The following UBAP2 variants were observed in gnomAD, a reference collection of about 807,000 sequenced individuals.
The protein encoded by UBAP2 is ubiquitin associated protein 2.
Under a neutral mutation model 139.6 loss-of-function variants are expected in UBAP2, and 75 were observed. The observed-to-expected ratio is 0.54, with a 90% confidence interval of 0.45 to 0.65. UBAP2 has a LOEUF of 0.65. Among genes scored for constraint, UBAP2 ranks in the 30% least tolerant of loss-of-function variants. UBAP2 has a pLI of 0.00. For synonymous variants in UBAP2, 526 were observed against 526.2 expected (o/e 1.00, Z 0.01); for missense variants, 1,368 against 1,369.6 (o/e 1.00, Z 0.02).
intron 6 of UBAP2, among the ~76,000 whole-genome samples, chr9:33,981,282 G>A (rs1248120348): frequency 1.8e-4 from 13 of 73,442 alleles, no homozygotes; most frequent in South Asian, 5.8e-4. Flanking sequence ...TATATATTCT[G>A]GATATATATA....
In UBAP2 at chr9:33,986,811, A is replaced by C; in HGVS notation, c.469T>G (p.Cys157Gly). ...EFRGEENGID[C>G]NQVDKPSDRG... is the part of the protein sequence containing the mutation. ...TCTGAAGGTTTGTCCACTTGATTGC[A>C]ATCAATTCCATTTTCTTCACCTCTA... Residue 157 changes from cysteine to glycine, a missense_variant, in exon 6 of 29, where the codon TGC becomes GGC. By Grantham distance (159) the Cys-to-Gly change is radical. Transcript: ENST00000379238. 6.2e-7 allele frequency: 1 copy of C among 1,614,156 alleles called. No individual in the cohort carries two copies. The highest frequency in any genetic ancestry group is 8.5e-7 in the Non-Finnish European group (1 of 1,180,020).
chr9:33,990,621 GA>G (rs1821620352), intron 4 of UBAP2, among the ~76,000 whole-genome samples: 1 of 147,126 alleles, frequency 6.8e-6, no homozygotes, highest in African/African-American at 2.5e-5. Context: ...AGGTTACTTA[GA>G]AATAGTACCC....
intron 1 of UBAP2, among the ~76,000 whole-genome samples, chr9:34,018,976 G>A (rs986490788): frequency 6.6e-6 from 1 of 152,134 alleles, no homozygotes; most frequent in South Asian, 2.1e-4. Context: ...TAGATGAATG[G>A]ATAAGCAAAA....
intron 2 of UBAP2, 111 bp downstream of exon 2, chr9:34,016,939 T>C (rs1587666731): frequency 1.3e-6 from 1 of 751,838 alleles, no homozygotes; most frequent in African/African-American, 1.8e-5. Context: ...TCTCCCTTAA[T>C]TTCCTTAATT....
chr9:34,024,810 C>T (rs7859444), intron 1 of UBAP2, among the ~76,000 whole-genome samples: 5 of 151,956 alleles, frequency 3.3e-5, no homozygotes, highest in Admixed American at 6.6e-5. Flanking sequence ...ATGGCGAAAC[C>T]CTGTCTCTAC....
intron 10 of UBAP2, among the ~76,000 whole-genome samples, chr9:33,960,095 AATTTT>A (rs1236771108): frequency 1.3e-5 from 2 of 151,860 alleles, no homozygotes; most frequent in African/African-American, 4.8e-5. Flanking sequence ...ACACCCAGGT[AATTTT>A]TTTATTATTT....
chr9:33,938,996 C>A (rs1210044215), intron 16 of UBAP2: 3 of 408,498 alleles, frequency 7.3e-6, no homozygotes, highest in South Asian at 3.5e-5. Flanking sequence ...CCAAGACGGA[C>A]AAGGGACACA....
At chr9:33,992,226 T>C (rs1234373715) in intron 4 of UBAP2, among the ~76,000 whole-genome samples, 1 of 151,814 alleles carries the variant, frequency 6.6e-6, no homozygotes, top group East Asian at 1.9e-4. Context: ...CCATCTCTAC[T>C]AAAAATACAA....
At chr9:34,026,763 T>C (rs946667223) in intron 1 of UBAP2, among the ~76,000 whole-genome samples, 8 of 152,170 alleles carry the variant, frequency 5.3e-5, no homozygotes, top group Non-Finnish European at 1.2e-4. Context: ...GAAACTAAGA[T>C]ACACAGAGAA....
intron 19 of UBAP2, 133 bp downstream of exon 19, chr9:33,932,429 C>T: frequency 2.0e-6 from 2 of 1,001,606 alleles, no homozygotes; most frequent in East Asian, 2.6e-5. Context: ...CCAGATCATG[C>T]CATCAAGACA....
intron 10 of UBAP2, among the ~76,000 whole-genome samples, chr9:33,956,421 C>T (rs13290595): frequency 0.13 from 19,143 of 151,028 alleles, 1,539 homozygotes; most frequent in African/African-American, 0.22. Context: ...TGGGTTCAAG[C>T]GATCATCTCG....
chr9:34,012,957 C>T (rs1823892488), intron 2 of UBAP2, among the ~76,000 whole-genome samples: 1 of 151,384 alleles, frequency 6.6e-6, no homozygotes, highest in Non-Finnish European at 1.5e-5. Flanking sequence ...TCAAAACTGA[C>T]TAACCTGGCC....
chr9:33,987,961 T>G (rs987963686), intron 5 of UBAP2, among the ~76,000 whole-genome samples: 13 of 152,172 alleles, frequency 8.5e-5, no homozygotes, highest in African/African-American at 3.1e-4. Flanking sequence ...CATTAATAGC[T>G]CTACATAATA....
intron 12 of UBAP2, chr9:33,948,909 G>C (rs1406125129): frequency 4.3e-6 from 1 of 235,030 alleles, no homozygotes; most frequent in East Asian, 9.9e-5. Flanking sequence ...CAACACTTTG[G>C]GAGGCCAAGG....
At chr9:33,927,350 A>G (rs1823532887) in intron 20 of UBAP2, among the ~76,000 whole-genome samples, 1 of 152,154 alleles carries the variant, frequency 6.6e-6, no homozygotes, top group Non-Finnish European at 1.5e-5. Flanking sequence ...CACTGCACTG[A>G]GCAAAGAGAA....
At chr9:33,949,705 A>G (rs796677372) in intron 12 of UBAP2, among the ~76,000 whole-genome samples, 3 of 116,572 alleles carry the variant, frequency 2.6e-5, no homozygotes, top group East Asian at 3.9e-4. Context: ...CTCGTCTCTC[A>G]TGTGTGTGTG....
At chr9:33,935,948 C>T (rs1824474031) in intron 16 of UBAP2, 70 bp from the exon 17 acceptor site, 20 of 1,372,228 alleles carry the variant, frequency 1.5e-5, no homozygotes, top group Non-Finnish European at 1.9e-5. Context: ...GCTTTTTATA[C>T]TTTCTACAAC....
At position 33,956,595 on chromosome 9, in the gene UBAP2, T is replaced by C. The variant is rs924837388; in HGVS notation, c.799-449A>G. On this transcript the variant is annotated intron_variant, in intron 10 of 28. Transcript: ENST00000379238. ...GCACCCACCTTGACCTCCCAAAGTG[T>C]TGGGATTACAAGTATAAGCCATGGC... 7.2e-5 allele frequency among the ~76,000 whole-genome samples: 11 copies of C among 151,928 alleles called. No homozygotes were observed. In the South Asian group the frequency reaches 2.1e-3, roughly 29 times the overall value.
chr9:33,992,292 G>A (rs1277844725), intron 4 of UBAP2, among the ~76,000 whole-genome samples: 1 of 151,556 alleles, frequency 6.6e-6, no homozygotes, highest in Non-Finnish European at 1.5e-5. Flanking sequence ...GGAGGCTGAG[G>A]CGGAAGAATC....
Sources: gnomAD v4.1 joint callset for allele counts (sites outside exome capture counted in the v4.1 genomes callset) on GRCh38, gnomAD v4.1.1 for gene constraint, MANE v1.5 for transcripts, NCBI Gene and HGNC (gene_info 2026-07-23, HGNC 2026-07-21) for gene names.